TRNP1: variants seen among roughly 807,000 people sequenced by gnomAD.
The protein encoded by TRNP1 is TMF-regulated nuclear protein 1.
TRNP1 carries 16 observed loss-of-function variants against 12.2 expected under a neutral mutation model. The ratio of observed to expected loss-of-function variants is 1.31; its 90% confidence interval spans 0.89 to 1.99. The LOEUF (loss-of-function observed/expected upper bound fraction) is 1.99, where lower values mean the gene tolerates loss of function less well. TRNP1 is among the 30% of genes most tolerant of loss of function. The probability of loss-of-function intolerance (pLI) is 0.00; values close to 1 mark genes in which losing one functional copy is unlikely to be tolerated. For synonymous variants in TRNP1, 139 were observed against 166.2 expected, an observed-to-expected ratio of 0.84 and a Z score of 1.26; for missense variants, 338 against 330.4, an observed-to-expected ratio of 1.02 and a Z score of -0.18.
At position 26,994,377 on chromosome 1, in the gene TRNP1, G is replaced by T; in HGVS notation, c.591G>T (p.Trp197Cys). The change falls in exon 1 of 2, where the codon TGG (tryptophan) becomes TGT (cysteine). Residue 197 changes from tryptophan to cysteine, a missense_variant. By Grantham distance (215) the Trp-to-Cys change is radical. Coordinates refer to ENST00000522111, the MANE Select transcript of TRNP1 (RefSeq NM_001013642.3). The surrounding 1 kb of genome is among the most constrained non-coding windows in gnomAD (Gnocchi z 6.9). The part of the protein sequence containing the change: ...SALGLGGCVP[W>C]GAGRLRRGHG... ...TGGGCCTGGGCGGCTGCGTGCCCTGGGGTGCCGGGCGACTGCGGCGCGGCC... is the reference window on the plus strand; with the variant it reads ...TGGGCCTGGGCGGCTGCGTGCCCTGTGGTGCCGGGCGACTGCGGCGCGGCC... 1 of 1,102,032 alleles carries T rather than the reference G, an allele frequency of 9.1e-7. No individual in the cohort carries two copies. The highest frequency in any genetic ancestry group is 4.3e-5 in the South Asian group (1 of 23,106). The allele number at this position is 1,102,032 out of a possible 1,614,324, so 68.3% of individuals were successfully genotyped here.
chr1:26,994,358 TGGGCGGCTGCGTGCCCTGGGGTGCC>T lies in TRNP1; in HGVS notation c.578_602del (p.Gly193AspfsTer105). ...GCGCTGCTGGCCTCGGCGCTGGGCC[TGGGCGGCTGCGTGCCCTGGGGTGCC>T]GGGCGACTGCGGCGCGGCCACGGCC... On this transcript the variant is annotated frameshift_variant, in exon 1 of 2. Transcript: ENST00000522111. LOFTEE classifies it high-confidence loss of function. The surrounding 1 kb of genome is among the most constrained non-coding windows in gnomAD (Gnocchi z 6.9). 9.2e-7 allele frequency: 1 copy of T among 1,085,610 alleles called. No homozygotes were observed. Among genetic ancestry groups the T allele is most frequent in the Non-Finnish European group, 1.1e-6 (1 of 896,008 alleles). The allele number at this position is 1,085,610 out of a possible 1,614,324, so 67.2% of individuals were successfully genotyped here.
rs2082534477 is a variant in TRNP1, at chr1:26,994,373, C to T, written c.587C>T (p.Pro196Leu). ...GCGCTGGGCCTGGGCGGCTGCGTGC[C>T]CTGGGGTGCCGGGCGACTGCGGCGC... ...ASALGLGGCV[P>L]WGAGRLRRGH... The change falls in exon 1 of 2, where the codon CCC becomes CTC. Residue 196 changes from proline to leucine, a missense_variant. Pro to Leu is a moderately conservative substitution (Grantham distance 98). Transcript: ENST00000522111. The surrounding 1 kb of genome is among the most constrained non-coding windows in gnomAD (Gnocchi z 6.9). The T allele has an allele frequency of 9.1e-7, 1 of 1,098,432 alleles. No individual in the cohort carries two copies. The highest frequency in any genetic ancestry group is 1.1e-6 in the Non-Finnish European group (1 of 903,864). 68.0% of individuals were successfully genotyped at this position (1,098,432 alleles called of 1,614,324 possible).
chr1:26,997,001 C>A (rs2082548134), intron 1 of TRNP1, among the ~76,000 whole-genome samples: 1 of 152,120 alleles, frequency 6.6e-6, no homozygotes, highest in Non-Finnish European at 1.5e-5. Context: ...ACCTCCCACA[C>A]CTGCCTGACC....
intron 1 of TRNP1, among the ~76,000 whole-genome samples, chr1:26,998,219 TG>T (rs1305563798): frequency 7.0e-6 from 1 of 142,928 alleles, no homozygotes; most frequent in Non-Finnish European, 1.6e-5. Context: ...CCGCCTCTAC[TG>T]AAAAAAAAAG....
intron 1 of TRNP1, among the ~76,000 whole-genome samples, chr1:26,995,027 G>T (rs183508560): frequency 2.0e-4 from 31 of 152,324 alleles, no homozygotes; most frequent in Middle Eastern, 3.4e-3. Flanking sequence ...CCCCAGGATG[G>T]GGTGGAGGCT....
chr1:26,997,294 C>T (rs571307075), intron 1 of TRNP1, among the ~76,000 whole-genome samples: 39 of 112,586 alleles, frequency 3.5e-4, no homozygotes, highest in South Asian at 3.2e-3. Context: ...CCAGCCTGGG[C>T]AACAGAGCAA....
At position 26,994,565 on chromosome 1, in the gene TRNP1, C is replaced by G. The variant is rs972200891; in HGVS notation, c.*95C>G. ...ACGCCGGCTGGAAGGACTACGGATC[C>G]GCAGGAAGAGGCAGTTGGGGGCCAG... On this transcript the variant is annotated 3_prime_UTR_variant, in exon 1 of 2. Coordinates refer to ENST00000522111, the MANE Select transcript of TRNP1 (RefSeq NM_001013642.3). The surrounding 1 kb of genome is among the most constrained non-coding windows in gnomAD (Gnocchi z 6.9). 2.1e-6 allele frequency: 2 copies of G among 949,540 alleles called. No homozygotes were observed. Among genetic ancestry groups the G allele is most frequent in the Non-Finnish European group, 2.6e-6 (2 of 784,126 alleles). 58.8% of individuals were successfully genotyped at this position (949,540 alleles called of 1,614,324 possible). A position where few individuals can be genotyped will look rare whatever the true frequency, so the allele number is the denominator to read the frequency against.
chr1:26,996,816 G>A lies in TRNP1; in HGVS notation c.*142+2204G>A, dbSNP rs191104822. ...AGTGTGTGTGTGTGTGTGAAGTAGA[G>A]GGTAGTAAATGGAGATTGGTCCTGG... On this transcript the variant is annotated intron_variant, in intron 1 of 1. Coordinates refer to ENST00000522111, the MANE Select transcript of TRNP1 (RefSeq NM_001013642.3). 3.3e-4 allele frequency among the ~76,000 whole-genome samples: 50 copies of A among 152,028 alleles called. No individual in the cohort carries two copies. In the East Asian group the frequency reaches 6.2e-3, roughly 19 times the overall value.
Position 26,994,381 on chromosome 1 carries a change from G to T in TRNP1, c.595G>T (p.Ala199Ser). 20 of 1,105,250 alleles carry T rather than the reference G, an allele frequency of 1.8e-5. No homozygotes were observed. The highest frequency in any genetic ancestry group is 2.1e-5 in the Non-Finnish European group (19 of 907,996). The allele number at this position is 1,105,250 out of a possible 1,614,324, so 68.5% of individuals were successfully genotyped here. ...LGLGGCVPWG[A>S]GRLRRGHGPE... ...CCTGGGCGGCTGCGTGCCCTGGGGT[G>T]CCGGGCGACTGCGGCGCGGCCACGG... is the stretch of plus-strand genomic sequence containing the variant. The change falls in exon 1 of 2, where the codon GCC becomes TCC. Residue 199 changes from alanine (A) to serine (S), a missense_variant. Ala to Ser is a moderately conservative substitution (Grantham distance 99). Transcript: ENST00000522111. The surrounding 1 kb of genome is among the most constrained non-coding windows in gnomAD (Gnocchi z 6.9).
chr1:26,994,305 G>A lies in TRNP1; in HGVS notation c.519G>A (p.Pro173=), dbSNP rs1375518682. 1.7e-6 allele frequency: 2 copies of A among 1,144,264 alleles called. No homozygotes were observed. Among genetic ancestry groups the A allele is most frequent in the Non-Finnish European group, 1.1e-6 (1 of 932,566 alleles). The allele number at this position is 1,144,264 out of a possible 1,614,324, so 70.9% of individuals were successfully genotyped here. A position where few individuals can be genotyped will look rare whatever the true frequency, so the allele number is the denominator to read the frequency against. The part of the protein sequence containing the change: ...AAHGSRLKKG[P]RRGRRGRPPA... ...ACGGGTCGCGCCTCAAGAAGGGCCC[G>A]CGCCGCGGCCGCCGCGGCCGACCCC... is the stretch of plus-strand genomic sequence containing the variant. Residue 173 remains proline (P), a synonymous_variant, in exon 1 of 2, where the codon CCG becomes CCA. Coordinates refer to ENST00000522111, the MANE Select transcript of TRNP1 (RefSeq NM_001013642.3). This position sits in a 1 kb window ranked among gnomAD's most constrained non-coding sequence, Gnocchi z 6.9.
At position 26,993,701 on chromosome 1, in the gene TRNP1, G is replaced by T. The variant is rs111604936; in HGVS notation, c.-86G>T. ...CGGCGGGCGCGCCTCTGGGGTGGGG[G>T]CTGTGGCCGTGTCTAGCTGTTCGGG... On this transcript the variant is annotated 5_prime_UTR_variant, in exon 1 of 2. Transcript: ENST00000522111. 9,436 of 1,233,838 alleles carry T rather than the reference G, an allele frequency of 7.6e-3. 540 individuals carry two copies. The African/African-American group carries it at 0.13, about 17-fold the overall frequency. 76.4% of individuals were successfully genotyped at this position (1,233,838 alleles called of 1,614,324 possible). A position where few individuals can be genotyped will look rare whatever the true frequency, so the allele number is the denominator to read the frequency against.
intron 1 of TRNP1, among the ~76,000 whole-genome samples, chr1:26,995,773 G>C (rs938711875): frequency 1.6e-4 from 25 of 152,214 alleles, no homozygotes; most frequent in Non-Finnish European, 2.9e-4. Context: ...TGGGATTACA[G>C]GCATGTGCCA....
intron 1 of TRNP1, among the ~76,000 whole-genome samples, chr1:26,998,062 G>A (rs1442141492): frequency 3.9e-5 from 6 of 152,148 alleles, no homozygotes; most frequent in African/African-American, 7.2e-5. Flanking sequence ...GCCCATCACC[G>A]GCTCCCTAGG....
rs1404076049 is a variant in TRNP1, at chr1:26,993,776, G to T, written c.-11G>T. 5 of 1,312,168 alleles carry T rather than the reference G, an allele frequency of 3.8e-6. No individual in the cohort carries two copies. In the East Asian group the frequency reaches 1.5e-4, roughly 40 times the overall value. 81.3% of individuals were successfully genotyped at this position (1,312,168 alleles called of 1,614,324 possible). ...CACCTACAGCCGCAGACCGCCGGTG[G>T]GGGGCGGGGGATGCCGGGCTGCCGC... On this transcript the variant is annotated 5_prime_UTR_variant, in exon 1 of 2. Transcript: ENST00000522111.
rs1239811004 is a variant in TRNP1 at position 26,994,659 on chromosome 1, G to T, written c.*142+47G>T. Reference sequence around the variant, plus strand: ...CGTTCGAGGGTCGGTCATGGCGTGTGGGGGGCTGGTCCAGGGCCCGGGAAC... The same window carrying T: ...CGTTCGAGGGTCGGTCATGGCGTGTTGGGGGCTGGTCCAGGGCCCGGGAAC... On this transcript the variant is annotated intron_variant, in intron 1 of 1. Coordinates refer to ENST00000522111, the MANE Select transcript of TRNP1 (RefSeq NM_001013642.3). The surrounding 1 kb of genome is among the most constrained non-coding windows in gnomAD (Gnocchi z 6.9). 6 of 289,998 alleles carry T rather than the reference G, an allele frequency of 2.1e-5. No homozygotes were observed. The allele number at this position is 289,998 out of a possible 1,614,324, so 18.0% of individuals were successfully genotyped here.
Position 26,993,796 on chromosome 1 carries a change from T to C in TRNP1, c.10T>C (p.Cys4Arg). 7.6e-7 allele frequency: 1 copy of C among 1,321,206 alleles called. No individual in the cohort carries two copies. Among genetic ancestry groups the C allele is most frequent in the Non-Finnish European group, 9.6e-7 (1 of 1,037,962 alleles). The allele number at this position is 1,321,206 out of a possible 1,614,324, so 81.8% of individuals were successfully genotyped here. A position where few individuals can be genotyped will look rare whatever the true frequency, so the allele number is the denominator to read the frequency against. Residue 4 changes from cysteine (C) to arginine (R), a missense_variant, in exon 1 of 2, where the codon TGC becomes CGC. Cys to Arg is a radical substitution (Grantham distance 180). Coordinates refer to ENST00000522111, the MANE Select transcript of TRNP1 (RefSeq NM_001013642.3). ...CGGTGGGGGGCGGGGGATGCCGGGC[T>C]GCCGCATCAGCGCCTGCGGCCCGGG... MPG[C>R]RISACGPGAQ...
chr1:26,998,438 T>C (rs1216295726), intron 1 of TRNP1, among the ~76,000 whole-genome samples: 1 of 152,116 alleles, frequency 6.6e-6, no homozygotes, highest in Non-Finnish European at 1.5e-5. Flanking sequence ...TGTTGCCTCT[T>C]AGAGATTAGG....
Position 26,993,977 on chromosome 1 carries a change from C to T in TRNP1, c.191C>T (p.Ala64Val). 7.6e-7 allele frequency: 1 copy of T among 1,316,550 alleles called. No individual in the cohort carries two copies. The highest frequency in any genetic ancestry group is 9.7e-7 in the Non-Finnish European group (1 of 1,035,880). The allele number at this position is 1,316,550 out of a possible 1,614,324, so 81.6% of individuals were successfully genotyped here. A position where few individuals can be genotyped will look rare whatever the true frequency, so the allele number is the denominator to read the frequency against. Residue 64 changes from alanine (A) to valine (V), a missense_variant, in exon 1 of 2, where the codon GCG (alanine) becomes GTG (valine). Coordinates refer to ENST00000522111, the MANE Select transcript of TRNP1 (RefSeq NM_001013642.3). The stretch of plus-strand genomic sequence containing the variant: ...GACGCAGCTGGGGCTTCAGCAGGCG[C>T]GGCCGAGGACCAGGAGCTGCAGCGC... The part of the protein sequence containing the change: ...LPDAAGASAG[A>V]AEDQELQRWR...
Position 26,994,180 on chromosome 1 carries a change from C to T in TRNP1, c.394C>T (p.Arg132Cys), listed in dbSNP as rs1379477294. Reference protein sequence around the residue: ...ELESRVLQLHRVFLAAELRLA... With the variant: ...ELESRVLQLHCVFLAAELRLA... ...GGAGAGCCGCGTGCTGCAGCTGCAC[C>T]GCGTTTTCTTGGCGGCCGAGCTGCG... Residue 132 changes from arginine (R) to cysteine (C), a missense_variant, in exon 1 of 2, where the codon CGC (arginine) becomes TGC (cysteine). Transcript: ENST00000522111. The surrounding 1 kb of genome is among the most constrained non-coding windows in gnomAD (Gnocchi z 6.9). 6.2e-6 allele frequency: 8 copies of T among 1,300,554 alleles called. No homozygotes were observed. Among genetic ancestry groups the T allele is most frequent in the Non-Finnish European group, 7.8e-6 (8 of 1,019,516 alleles). 80.6% of individuals were successfully genotyped at this position (1,300,554 alleles called of 1,614,324 possible). A position where few individuals can be genotyped will look rare whatever the true frequency, so the allele number is the denominator to read the frequency against.
Sources: allele counts gnomAD v4.1 joint callset (sites outside exome capture counted in the v4.1 genomes callset), GRCh38; gene constraint gnomAD v4.1.1; non-coding constraint Gnocchi (gnomAD v3.1); transcripts MANE v1.5; gene names NCBI Gene and HGNC (gene_info 2026-07-23, HGNC 2026-07-21).